The following CAMK2B variants were observed in gnomAD, a reference collection of about 807,000 sequenced individuals.
The protein encoded by CAMK2B is calcium/calmodulin-dependent protein kinase type II subunit beta.
A neutral mutation model predicts 93.7 loss-of-function variants in CAMK2B; 27 were observed. The observed-to-expected ratio is 0.29, with a 90% CI of 0.21 to 0.40. The LOEUF is 0.40. Among genes scored for constraint, CAMK2B ranks in the 10% least tolerant of loss-of-function variants. The pLI is 1.00. For synonymous variants in CAMK2B, 374 were observed against 358.8 expected (o/e 1.04, Z -0.48); for missense variants, 568 against 895.8 (o/e 0.63, Z 4.67).
At chr7:44,305,129 C>T (rs1471194180) in intron 1 of CAMK2B, among the ~76,000 whole-genome samples, 1 of 152,202 alleles carries the variant, frequency 6.6e-6, no homozygotes, top group Non-Finnish European at 1.5e-5. Flanking sequence ...TCCCCTGGAG[C>T]TGTCATCACC....
At position 44,220,810 on chromosome 7, in the gene CAMK2B, A is replaced by G; in HGVS notation, c.1673+16T>C. 6.6e-7 allele frequency: 1 copy of G among 1,519,428 alleles called. No homozygotes were observed. Among genetic ancestry groups the G allele is most frequent in the Non-Finnish European group, 9.0e-7 (1 of 1,115,318 alleles). The allele number at this position is 1,519,428 out of a possible 1,614,324, so 94.1% of individuals were successfully genotyped here. ...TCCTTGTCCTGCACAGCCCCCCCCC[A>G]GCCCCAGGGACTCACGCGTAGGCCT... On this transcript the variant is annotated intron_variant, in intron 21 of 23. Coordinates refer to ENST00000395749, the MANE Select transcript of CAMK2B (RefSeq NM_001220.5).
At chr7:44,321,183 T>C (rs1276218651) in intron 1 of CAMK2B, among the ~76,000 whole-genome samples, 1 of 152,176 alleles carries the variant, frequency 6.6e-6, no homozygotes, top group East Asian at 1.9e-4. Context: ...GCTTGGAGAC[T>C]CAAAAATTGA....
At chr7:44,315,019 A>G (rs928435884) in intron 1 of CAMK2B, among the ~76,000 whole-genome samples, 7 of 152,296 alleles carry the variant, frequency 4.6e-5, no homozygotes, top group Admixed American at 2.6e-4. Flanking sequence ...CTCCCATTCT[A>G]TGGACTATTC....
At chr7:44,284,585 T>C (rs1784569578) in intron 1 of CAMK2B, among the ~76,000 whole-genome samples, 1 of 152,098 alleles carries the variant, frequency 6.6e-6, no homozygotes, top group African/African-American at 2.4e-5. Context: ...TCCTTGTGGG[T>C]CGGCTGGACC....
intron 1 of CAMK2B, among the ~76,000 whole-genome samples, chr7:44,307,114 GA>G (rs1449928691): frequency 2.2e-5 from 3 of 133,510 alleles, no homozygotes; most frequent in African/African-American, 2.9e-5. Context: ...GTGTGAGCAG[GA>G]GGAGGGTGTG....
rs549687162 is a variant in CAMK2B at position 44,268,618 on chromosome 7, G to C, written c.161-5554C>G. The C allele has an allele frequency of 1.7e-3, 259 of 152,508 alleles. 1 individual carries two copies. Among genetic ancestry groups the C allele is most frequent in the Non-Finnish European group, 3.1e-3 (212 of 68,152 alleles). 9.4% of individuals were successfully genotyped at this position (152,508 alleles called of 1,614,324 possible). A position where few individuals can be genotyped will look rare whatever the true frequency, so the allele number is the denominator to read the frequency against. ...CTAGATGTCCAGCCTCTCAGGAGCA[G>C]GGACCACAGGTCCTCCACCAGCAGC... On this transcript the variant is annotated intron_variant, in intron 2 of 23. Transcript: ENST00000395749.
chr7:44,234,508 C>T, intron 14 of CAMK2B, 47 bp from the exon 15 acceptor site: 2 of 1,576,122 alleles, frequency 1.3e-6, no homozygotes, highest in Non-Finnish European at 1.7e-6. Flanking sequence ...AAGCCCCTCA[C>T]TCGCCATTCC....
chr7:44,238,648 G>A (rs545486587), intron 13 of CAMK2B, among the ~76,000 whole-genome samples: 1 of 152,218 alleles, frequency 6.6e-6, no homozygotes, highest in African/African-American at 2.4e-5. Flanking sequence ...GAGGAGGCCT[G>A]GGGAAGGCAG....
intron 11 of CAMK2B, 140 bp downstream of exon 11, chr7:44,241,560 A>G: frequency 1.5e-6 from 1 of 684,390 alleles, no homozygotes; most frequent in Admixed American, 2.3e-5. Context: ...TGATGCATCC[A>G]GTCTGGGACT....
chr7:44,228,933 G>T lies in CAMK2B; in HGVS notation c.1340-9C>A. On this transcript the variant is annotated splice_polypyrimidine_tract_variant and intron_variant, in intron 18 of 23. Transcript: ENST00000395749. ...GTCAGAGATCCTGGGGGCTGGGGTG[G>T]AACAGATGAGACGTGAACATGAGGC... The T allele has an allele frequency of 6.2e-7, 1 of 1,609,230 alleles. No individual in the cohort carries two copies. Among genetic ancestry groups the T allele is most frequent in the South Asian group, 1.1e-5 (1 of 90,980 alleles).
intron 1 of CAMK2B, among the ~76,000 whole-genome samples, chr7:44,294,430 T>C (rs1007775732): frequency 2.6e-5 from 4 of 152,128 alleles, no homozygotes; most frequent in African/African-American, 7.2e-5. Flanking sequence ...AGAACAGGCA[T>C]GCAGAAGGCA....
At chr7:44,250,749 C>T (rs1473146246) in intron 5 of CAMK2B, among the ~76,000 whole-genome samples, 3 of 152,246 alleles carry the variant, frequency 2.0e-5, no homozygotes, top group African/African-American at 4.8e-5. Context: ...AAGATGTTTT[C>T]GATCTCCTGA....
At chr7:44,231,875 G>T (rs1228458766) in intron 16 of CAMK2B, among the ~76,000 whole-genome samples, 2 of 152,226 alleles carry the variant, frequency 1.3e-5, no homozygotes, top group African/African-American at 2.4e-5. Context: ...GTCCCTGGGG[G>T]ACCGCCCCCT....
chr7:44,221,944 C>T (rs867615994), intron 20 of CAMK2B, among the ~76,000 whole-genome samples: 3 of 152,186 alleles, frequency 2.0e-5, no homozygotes, highest in Middle Eastern at 3.2e-3. Flanking sequence ...AATAAAGCAC[C>T]GCACATGTAG....
chr7:44,228,011 G>C (rs1178750509), intron 19 of CAMK2B, among the ~76,000 whole-genome samples: 1 of 151,738 alleles, frequency 6.6e-6, no homozygotes, highest in Non-Finnish European at 1.5e-5. Flanking sequence ...GGTGCGTGGA[G>C]AGGAGGCTGC....
intron 2 of CAMK2B, among the ~76,000 whole-genome samples, chr7:44,269,409 A>G (rs2096951715): frequency 6.6e-6 from 1 of 152,198 alleles, no homozygotes; most frequent in Non-Finnish European, 1.5e-5. Flanking sequence ...GTTCGCTCCC[A>G]TAATTTCCTC....
chr7:44,231,271 G>A (rs1266882761), intron 16 of CAMK2B, among the ~76,000 whole-genome samples: 1 of 152,224 alleles, frequency 6.6e-6, no homozygotes, highest in Non-Finnish European at 1.5e-5. Context: ...TCATGCGGCA[G>A]TGACCGGAGA....
intron 2 of CAMK2B, among the ~76,000 whole-genome samples, chr7:44,277,105 A>G (rs1170904004): frequency 6.6e-6 from 1 of 152,130 alleles, no homozygotes; most frequent in African/African-American, 2.4e-5. Flanking sequence ...ACAAGGCACA[A>G]CAAAACTGTC....
intron 1 of CAMK2B, among the ~76,000 whole-genome samples, chr7:44,303,846 A>T (rs572240946): frequency 6.6e-6 from 1 of 152,350 alleles, no homozygotes; most frequent in Admixed American, 6.5e-5. Flanking sequence ...TCTACAAAAC[A>T]CCTATCTGAT....
Sources: allele counts gnomAD v4.1 joint callset (sites outside exome capture counted in the v4.1 genomes callset), GRCh38; gene constraint gnomAD v4.1.1; transcripts MANE v1.5; gene names NCBI Gene and HGNC (gene_info 2026-07-23, HGNC 2026-07-21).